METTL25: variants seen among roughly 807,000 people sequenced by gnomAD.
The protein encoded by METTL25 is methyltransferase like 25, also known as probable methyltransferase-like protein 25.
A neutral mutation model predicts 71.6 loss-of-function variants in METTL25; 64 were observed. The observed-to-expected ratio is 0.89, with a 90% CI of 0.73 to 1.10. The LOEUF (loss-of-function observed/expected upper bound fraction) is 1.10. Ranked by LOEUF, METTL25 falls within the 50% of genes least tolerant of loss-of-function variation. The pLI, the probability that METTL25 is intolerant of heterozygous loss-of-function variation, is 0.00. For missense variants in METTL25, 807 were observed against 707.0 expected, an observed-to-expected ratio of 1.14 and a Z score of -1.60; for synonymous variants, 287 against 250.3, an observed-to-expected ratio of 1.15 and a Z score of -1.38.
chr12:82,418,644 G>T (rs186488794), intron 5 of METTL25, among the ~76,000 whole-genome samples: 1 of 152,158 alleles, frequency 6.6e-6, no homozygotes, highest in Non-Finnish European at 1.5e-5. Flanking sequence ...TATACTAAGT[G>T]CCACTCGTGA....
chr12:82,460,988 A>G (rs1035098085), intron 9 of METTL25, among the ~76,000 whole-genome samples: 28 of 152,194 alleles, frequency 1.8e-4, no homozygotes, highest in Middle Eastern at 3.4e-3. Context: ...CTAAAACTAC[A>G]AAAAATTAGC....
chr12:82,476,551 T>C (rs1892891161), intron 9 of METTL25, 93 bp from the exon 10 acceptor site: 1 of 804,958 alleles, frequency 1.2e-6, no homozygotes, highest in South Asian at 1.5e-5. Flanking sequence ...TTGTATTAAA[T>C]TGATGTCATG....
At chr12:82,468,745 C>A (rs888154149) in intron 9 of METTL25, 1 of 152,284 alleles carries the variant, frequency 6.6e-6, no homozygotes, top group Non-Finnish European at 1.5e-5. Context: ...AAAATGCAAC[C>A]GAAACTGACA....
rs571244620 is a variant in METTL25, at chr12:82,427,627, T to C, written c.1280-3266T>C. ...TCATTAAATCTTCCTCTCATCCTTATGGCATGCTTCTTTATTAGATTTAAA... is the reference window on the plus strand; with the variant it reads ...TCATTAAATCTTCCTCTCATCCTTACGGCATGCTTCTTTATTAGATTTAAA... On this transcript the variant is annotated intron_variant, in intron 5 of 11. Coordinates refer to ENST00000248306, the MANE Select transcript of METTL25 (RefSeq NM_032230.3). Among the ~76,000 whole-genome samples, 12 of 152,088 alleles carry C rather than the reference T, an allele frequency of 7.9e-5. No homozygotes were observed. In the East Asian group the frequency reaches 1.9e-3, roughly 25 times the overall value.
At position 82,361,449 on chromosome 12, in the gene METTL25, G is replaced by C. The variant is rs963928551; in HGVS notation, c.259+2625G>C. ...AGCCCTTGGGCGGTCGATGGGACCAGGCACTGTGAAGCAGGAGGCGGTGCT... is the reference window on the plus strand; with the variant it reads ...AGCCCTTGGGCGGTCGATGGGACCACGCACTGTGAAGCAGGAGGCGGTGCT... On this transcript the variant is annotated intron_variant, in intron 1 of 11. Coordinates refer to ENST00000248306, the MANE Select transcript of METTL25 (RefSeq NM_032230.3). 2.0e-5 allele frequency among the ~76,000 whole-genome samples: 3 copies of C among 152,310 alleles called. No homozygotes were observed. In the East Asian group the frequency reaches 5.8e-4, roughly 30 times the overall value.
chr12:82,421,694 T>TA (rs1467172446), intron 5 of METTL25, among the ~76,000 whole-genome samples: 9 of 151,842 alleles, frequency 5.9e-5, no homozygotes, highest in Admixed American at 3.3e-4. Context: ...ATAGATGCAA[T>TA]AAAAAATGAT....
intron 5 of METTL25, among the ~76,000 whole-genome samples, chr12:82,422,794 C>T (rs1444834908): frequency 1.3e-5 from 2 of 152,098 alleles, no homozygotes; most frequent in African/African-American, 4.8e-5. Flanking sequence ...CTCCCATTCA[C>T]AATTGCTTCA....
At chr12:82,400,645 A>C (rs1325127140) in intron 4 of METTL25, among the ~76,000 whole-genome samples, 2 of 152,126 alleles carry the variant, frequency 1.3e-5, no homozygotes, top group Non-Finnish European at 1.5e-5. Context: ...AATCTTGCTG[A>C]AAATATATGA....
chr12:82,365,411 T>G (rs2136816577), intron 1 of METTL25, among the ~76,000 whole-genome samples: 1 of 152,302 alleles, frequency 6.6e-6, no homozygotes, highest in Middle Eastern at 3.4e-3. Flanking sequence ...GTCTAAAAGT[T>G]AGTACATAAT....
chr12:82,360,360 T>C (rs1383528540), intron 1 of METTL25, among the ~76,000 whole-genome samples: 1 of 152,082 alleles, frequency 6.6e-6, no homozygotes, highest in African/African-American at 2.4e-5. Context: ...GGTTCTGTTA[T>C]TGTCGATTTG....
intron 1 of METTL25, among the ~76,000 whole-genome samples, chr12:82,359,416 C>A (rs1410663073): frequency 6.6e-6 from 1 of 152,094 alleles, no homozygotes; most frequent in East Asian, 1.9e-4. Context: ...CCAGATGGCA[C>A]AGGCCTTTCT....
At chr12:82,378,704 A>G (rs1884133190) in intron 1 of METTL25, among the ~76,000 whole-genome samples, 1 of 152,200 alleles carries the variant, frequency 6.6e-6, no homozygotes, top group South Asian at 2.1e-4. Context: ...TTCCTGAGAC[A>G]AAGAATCCTT....
At position 82,478,937 on chromosome 12, in the gene METTL25, T is replaced by C; in HGVS notation, c.1725T>C (p.Asp575=). 1 of 1,610,606 alleles carries C rather than the reference T, an allele frequency of 6.2e-7. No homozygotes were observed. The highest frequency in any genetic ancestry group is 8.5e-7 in the Non-Finnish European group (1 of 1,177,576). The part of the protein sequence containing the change: ...DRLCYLKEQE[D]IAWSALVKLF... ...AATCACTTATTAATTTACAGGAAGATATTGCATGGTCTGCTCTTGTGAAGT... is the reference window on the plus strand; with the variant it reads ...AATCACTTATTAATTTACAGGAAGACATTGCATGGTCTGCTCTTGTGAAGT... The change falls in exon 12 of 12, where the codon GAT becomes GAC. Residue 575 remains aspartate (D), a synonymous_variant. Coordinates refer to ENST00000248306, the MANE Select transcript of METTL25 (RefSeq NM_032230.3).
rs1886312700 is a variant in METTL25 at position 82,398,797 on chromosome 12, G to A, written c.534G>A (p.Val178=). 3 of 1,511,472 alleles carry A rather than the reference G, an allele frequency of 2.0e-6. No homozygotes were observed. Among genetic ancestry groups the A allele is most frequent in the Non-Finnish European group, 2.6e-6 (3 of 1,137,452 alleles). The allele number at this position is 1,511,472 out of a possible 1,614,324, so 93.6% of individuals were successfully genotyped here. The change falls in exon 4 of 12, where the codon GTG becomes GTA. Residue 178 remains valine (V), a splice_region_variant and synonymous_variant. Coordinates refer to ENST00000248306, the MANE Select transcript of METTL25 (RefSeq NM_032230.3). ...SIADYYGIKQ[V]IDLGSGKGYL... ...TTATTCTTTTTTTCTAATCTTAGGT[G>A]ATTGACTTGGGTTCCGGTAAAGGCT...
intron 9 of METTL25, among the ~76,000 whole-genome samples, chr12:82,464,747 T>A (rs1353440639): frequency 6.6e-6 from 1 of 151,976 alleles, no homozygotes; most frequent in Non-Finnish European, 1.5e-5. Context: ...TCCATGAGCA[T>A]GGGATGTTTC....
chr12:82,422,919 A>G (rs924905121), intron 5 of METTL25, among the ~76,000 whole-genome samples: 9 of 152,350 alleles, frequency 5.9e-5, no homozygotes, highest in African/African-American at 2.2e-4. Context: ...ATGGAAGAAC[A>G]TTCCATGCTC....
At chr12:82,362,280 A>G (rs984735913) in intron 1 of METTL25, among the ~76,000 whole-genome samples, 2 of 152,216 alleles carry the variant, frequency 1.3e-5, no homozygotes, top group Non-Finnish European at 2.9e-5. Context: ...CAGTGCATAA[A>G]TTATGGCTTT....
chr12:82,471,128 T>A (rs1892544877), intron 9 of METTL25, among the ~76,000 whole-genome samples: 2 of 152,242 alleles, frequency 1.3e-5, no homozygotes, highest in Non-Finnish European at 2.9e-5. Context: ...ATTTCCTAAA[T>A]GAGACCAGCC....
At chr12:82,476,421 TG>T in intron 9 of METTL25, 1 of 431,458 alleles carries the variant, frequency 2.3e-6, no homozygotes, top group Non-Finnish European at 4.1e-6. Context: ...GGGATGTTGC[TG>T]GTGGTTTTAT....
Sources: gnomAD v4.1 joint callset for allele counts (sites outside exome capture counted in the v4.1 genomes callset) on GRCh38, gnomAD v4.1.1 for gene constraint, MANE v1.5 for transcripts, NCBI Gene and HGNC (gene_info 2026-07-23, HGNC 2026-07-21) for gene names.